The following ADCY1 variants were observed in gnomAD, a reference collection of about 807,000 sequenced individuals.
ADCY1 encodes the protein adenylate cyclase type 1.
Under a neutral mutation model 105.4 loss-of-function variants are expected in ADCY1, and 28 were observed. The ratio of observed to expected loss-of-function variants is 0.27; its 90% CI spans 0.20 to 0.36. ADCY1 has a LOEUF of 0.36. Among genes scored for constraint, ADCY1 ranks in the 10% least tolerant of loss-of-function variants. ADCY1 has a pLI of 1.00. For synonymous variants in ADCY1, 655 were observed against 623.8 expected, an observed-to-expected ratio of 1.05 and a Z score of -0.75; for missense variants, 977 against 1,434.2, an observed-to-expected ratio of 0.68 and a Z score of 5.15.
At chr7:45,677,005 G>C (rs757704025) in intron 8 of ADCY1, among the ~76,000 whole-genome samples, 24 of 151,744 alleles carry the variant, frequency 1.6e-4, no homozygotes, top group Non-Finnish European at 3.4e-4. Context: ...TTGGCTGCTG[G>C]TTTCTCTTGT....
chr7:45,692,732 A>G (rs970903811), intron 14 of ADCY1, among the ~76,000 whole-genome samples: 1 of 152,228 alleles, frequency 6.6e-6, no homozygotes, highest in Non-Finnish European at 1.5e-5. Context: ...AGATGGTGAT[A>G]GATTTGTTAA....
chr7:45,691,361 T>C (rs1313735504), intron 14 of ADCY1, among the ~76,000 whole-genome samples: 2 of 152,246 alleles, frequency 1.3e-5, no homozygotes. Context: ...TGCCACCTGC[T>C]TTCCCGTAAC....
intron 2 of ADCY1, among the ~76,000 whole-genome samples, chr7:45,605,014 GT>G: frequency 6.6e-6 from 1 of 152,068 alleles, no homozygotes; most frequent in African/African-American, 2.4e-5. Context: ...GTCTTTTATG[GT>G]TTTTAACATA....
intron 4 of ADCY1, among the ~76,000 whole-genome samples, chr7:45,627,555 G>A (rs1354651138): frequency 3.3e-5 from 5 of 152,178 alleles, no homozygotes; most frequent in Non-Finnish European, 7.3e-5. Flanking sequence ...ATGCCAGTGT[G>A]TCCTCTCCGA....
Position 45,592,761 on chromosome 7 carries a change from C to G in ADCY1, c.642C>G (p.Leu214=). The change falls in exon 2 of 20, where the codon CTC becomes CTG. Residue 214 remains leucine (L), a splice_region_variant and synonymous_variant. Coordinates refer to ENST00000297323, the MANE Select transcript of ADCY1 (RefSeq NM_021116.4). Reference sequence around the variant, plus strand: ...GTTGCCTCCTTCTCTCCCTGCAGCTCGGTGCCAATGCCTTGCTCTTCGTCG... The same window carrying G: ...GTTGCCTCCTTCTCTCCCTGCAGCTGGGTGCCAATGCCTTGCTCTTCGTCG... ...PAKRPRLWRT[L]GANALLFVGV... is the part of the protein sequence containing the mutation. 1 of 1,614,146 alleles carries G rather than the reference C, an allele frequency of 6.2e-7. No homozygotes were observed. Among genetic ancestry groups the G allele is most frequent in the Non-Finnish European group, 8.5e-7 (1 of 1,180,010 alleles).
rs75860455 is a variant in ADCY1, at chr7:45,686,221, T to A, written c.2327+6T>A. 5.4e-4 allele frequency: 869 copies of A among 1,611,554 alleles called. 8 individuals carry two copies. The African/African-American group carries it at 0.011, about 20-fold the overall frequency. Reference sequence around the variant, plus strand: ...AGCGGATACACCAGGACTGGGTAAGTGTGTGGCTCCTCAAGAAAAAGGCCT... The same window carrying A: ...AGCGGATACACCAGGACTGGGTAAGAGTGTGGCTCCTCAAGAAAAAGGCCT... On this transcript the variant is annotated splice_donor_region_variant and intron_variant, in intron 13 of 19. Coordinates refer to ENST00000297323, the MANE Select transcript of ADCY1 (RefSeq NM_021116.4). This position sits in a 1 kb window ranked among gnomAD's most constrained non-coding sequence, Gnocchi z 4.3.
At chr7:45,620,276 T>C (rs1251302010) in intron 3 of ADCY1, among the ~76,000 whole-genome samples, 1 of 152,186 alleles carries the variant, frequency 6.6e-6, no homozygotes, top group Non-Finnish European at 1.5e-5. Flanking sequence ...TCAATGGCCA[T>C]GAAGCTGTAG....
At chr7:45,607,380 G>C (rs1307732628) in intron 2 of ADCY1, among the ~76,000 whole-genome samples, 1 of 152,178 alleles carries the variant, frequency 6.6e-6, no homozygotes, top group Non-Finnish European at 1.5e-5. Flanking sequence ...AGATCTGGCT[G>C]TTATGACTGT....
chr7:45,672,477 C>G (rs369677736), intron 8 of ADCY1, among the ~76,000 whole-genome samples: 1 of 151,824 alleles, frequency 6.6e-6, no homozygotes, highest in African/African-American at 2.4e-5. Flanking sequence ...AGATTTTCTT[C>G]GATTCCTTAC....
At chr7:45,663,940 G>A (rs939420795) in intron 8 of ADCY1, among the ~76,000 whole-genome samples, 1 of 152,194 alleles carries the variant, frequency 6.6e-6, no homozygotes, top group African/African-American at 2.4e-5. Context: ...TCGTGCTGTT[G>A]CGGGGAGAGG....
chr7:45,621,257 G>A (rs1793879767), intron 3 of ADCY1, among the ~76,000 whole-genome samples: 1 of 152,068 alleles, frequency 6.6e-6, no homozygotes, highest in Non-Finnish European at 1.5e-5. Flanking sequence ...GTAGAGATAG[G>A]GTTTTTCCAT....
chr7:45,584,866 A>G (rs995324850), intron 1 of ADCY1, among the ~76,000 whole-genome samples: 4 of 152,226 alleles, frequency 2.6e-5, no homozygotes, highest in African/African-American at 9.6e-5. Flanking sequence ...CATGCAGCTG[A>G]TGAGGGCGAG....
In ADCY1 at chr7:45,717,315, A is replaced by G. The variant is rs187691718; in HGVS notation, c.*3320A>G. 3 of 152,536 alleles carry G rather than the reference A, an allele frequency of 2.0e-5. No homozygotes were observed. The East Asian group carries it at 5.8e-4, about 29-fold the overall frequency. The allele number at this position is 152,536 out of a possible 1,614,324, so 9.4% of individuals were successfully genotyped here. On this transcript the variant is annotated 3_prime_UTR_variant, in exon 20 of 20. Transcript: ENST00000297323. ...AGGGGCAAACATCTCCATCATCAGCAACTCCAAACCCCAGCCACTTCCTGG... is the reference window on the plus strand; with the variant it reads ...AGGGGCAAACATCTCCATCATCAGCGACTCCAAACCCCAGCCACTTCCTGG...
At chr7:45,698,931 G>A (rs1042228662) in intron 14 of ADCY1, among the ~76,000 whole-genome samples, 5 of 152,198 alleles carry the variant, frequency 3.3e-5, no homozygotes, top group South Asian at 2.1e-4. Flanking sequence ...CACTGCAGCC[G>A]CTGAATTGAT....
intron 4 of ADCY1, among the ~76,000 whole-genome samples, chr7:45,641,946 A>AAAAAAAAAAAC (rs1562702616): frequency 7.0e-6 from 1 of 143,294 alleles, no homozygotes; most frequent in Admixed American, 7.0e-5. Context: ...AAAAAAAAAA[A>AAAAAAAAAAAC]TGTCTTTTCA....
intron 4 of ADCY1, among the ~76,000 whole-genome samples, chr7:45,637,724 G>A (rs1794430027): frequency 6.6e-6 from 1 of 152,204 alleles, no homozygotes; most frequent in African/African-American, 2.4e-5. Flanking sequence ...GACCCTATGT[G>A]TGAAAAGATA....
At chr7:45,609,325 G>A (rs1212888158) in intron 2 of ADCY1, among the ~76,000 whole-genome samples, 7 of 152,204 alleles carry the variant, frequency 4.6e-5, no homozygotes, top group African/African-American at 7.2e-5. Flanking sequence ...GCAGGCTTGC[G>A]TGGCTGGGGA....
chr7:45,722,148 T>C lies in ADCY1; in HGVS notation c.*8153T>C, dbSNP rs1164569136. On this transcript the variant is annotated 3_prime_UTR_variant, in exon 20 of 20. Coordinates refer to ENST00000297323, the MANE Select transcript of ADCY1 (RefSeq NM_021116.4). ...CAAGTCTCAGGGGACCATTCCCACA[T>C]TGGGGGATCCTGAGGGAGCCCATCA... 1.8e-5 allele frequency: 5 copies of C among 281,062 alleles called. No homozygotes were observed. The highest frequency in any genetic ancestry group is 1.1e-4 in the East Asian group (2 of 17,662). The allele number at this position is 281,062 out of a possible 1,614,324, so 17.4% of individuals were successfully genotyped here. A position where few individuals can be genotyped will look rare whatever the true frequency, so the allele number is the denominator to read the frequency against.
intron 8 of ADCY1, among the ~76,000 whole-genome samples, chr7:45,662,847 G>T (rs1229929974): frequency 6.6e-6 from 1 of 152,184 alleles, no homozygotes; most frequent in Non-Finnish European, 1.5e-5. Context: ...GGTGCTGTGG[G>T]CAGGGCGAGC....
Sources: gnomAD v4.1 joint callset for allele counts (sites outside exome capture counted in the v4.1 genomes callset) on GRCh38, gnomAD v4.1.1 for gene constraint, Gnocchi (gnomAD v3.1) non-coding constraint, MANE v1.5 for transcripts, NCBI Gene and HGNC (gene_info 2026-07-23, HGNC 2026-07-21) for gene names.